MACC1: variants seen among roughly 807,000 people sequenced by gnomAD.
The protein encoded by MACC1 is MET transcriptional regulator MACC1, also known as metastasis-associated in colon cancer protein 1.
A neutral mutation model predicts 70.7 loss-of-function variants in MACC1; 79 were observed. That is an observed-to-expected ratio of 1.12 (90% CI 0.93 to 1.35). The LOEUF is 1.35. MACC1 is among the 40% of genes most tolerant of loss of function. MACC1 has a pLI of 0.00. For synonymous variants in MACC1, 361 were observed against 347.2 expected (o/e 1.04, Z -0.44); for missense variants, 1,106 against 978.1 (o/e 1.13, Z -1.74).
intron 1 of MACC1, among the ~76,000 whole-genome samples, chr7:20,208,762 G>A (rs552337540): frequency 1.1e-3 from 174 of 152,302 alleles, no homozygotes; most frequent in South Asian, 2.5e-3. Context: ...AAATGTCTCC[G>A]GGGCATGTCA....
chr7:20,170,970 A>G (rs1782296020), intron 1 of MACC1, among the ~76,000 whole-genome samples, 192 bp from the exon 2 acceptor site: 1 of 152,212 alleles, frequency 6.6e-6, no homozygotes, highest in African/African-American at 2.4e-5. Context: ...TCAACAATTG[A>G]TTACATCTAG....
intron 1 of MACC1, among the ~76,000 whole-genome samples, chr7:20,175,073 A>C (rs1033838716): frequency 6.6e-6 from 1 of 152,012 alleles, no homozygotes; most frequent in South Asian, 2.1e-4. Flanking sequence ...CAAATCTATA[A>C]ATCTTTTCTG....
chr7:20,161,879 T>G lies in MACC1; in HGVS notation c.-8-9A>C, dbSNP rs369966793. The G allele has an allele frequency of 5.7e-5, 85 of 1,499,256 alleles. 1 individual carries two copies. The highest frequency in any genetic ancestry group is 7.7e-5 in the Non-Finnish European group (83 of 1,076,304). The allele number at this position is 1,499,256 out of a possible 1,614,324, so 92.9% of individuals were successfully genotyped here. A position where few individuals can be genotyped will look rare whatever the true frequency, so the allele number is the denominator to read the frequency against. On this transcript the variant is annotated splice_polypyrimidine_tract_variant and intron_variant, in intron 3 of 6. Coordinates refer to ENST00000400331, the MANE Select transcript of MACC1 (RefSeq NM_182762.4). ...GATTAGCATTTTTCCACCTACAAAG[T>G]AAATAGATAAGTATTTTTTGTAAGC... is the stretch of plus-strand genomic sequence containing the variant.
intron 1 of MACC1, among the ~76,000 whole-genome samples, chr7:20,192,519 A>T (rs1782688470): frequency 6.6e-6 from 1 of 152,170 alleles, no homozygotes; most frequent in African/African-American, 2.4e-5. Flanking sequence ...AAGTGCCAGA[A>T]ATGAATGGGT....
At chr7:20,189,440 C>A (rs1782639149) in intron 1 of MACC1, among the ~76,000 whole-genome samples, 1 of 152,166 alleles carries the variant, frequency 6.6e-6, no homozygotes, top group Non-Finnish European at 1.5e-5. Context: ...GCATAAATTT[C>A]ATTTCCCCTT....
At chr7:20,209,732 G>C (rs754743850) in intron 1 of MACC1, among the ~76,000 whole-genome samples, 3 of 152,190 alleles carry the variant, frequency 2.0e-5, no homozygotes, top group Non-Finnish European at 4.4e-5. Flanking sequence ...GAGAACATGA[G>C]ATTTGGGGCA....
At chr7:20,142,477 A>C (rs1781820712) in intron 6 of MACC1, among the ~76,000 whole-genome samples, 1 of 152,252 alleles carries the variant, frequency 6.6e-6, no homozygotes, top group African/African-American at 2.4e-5. Flanking sequence ...CATATGGTGC[A>C]GCAACAAAAA....
In MACC1 at chr7:20,158,426, T is replaced by C. The variant is rs1179886811; in HGVS notation, c.1935A>G (p.Lys645=). The C allele has an allele frequency of 6.2e-7, 1 of 1,613,688 alleles. No individual in the cohort carries two copies. The highest frequency in any genetic ancestry group is 1.3e-5 in the African/African-American group (1 of 74,926). The change falls in exon 5 of 7, where the codon AAA becomes AAG. Residue 645 remains lysine (K), a synonymous_variant. Transcript: ENST00000400331. ...LLEQIVLPLK[K]LTYIYSVVLT... is the part of the protein sequence containing the mutation. ...ATACAACTGAGTAGATATAAGTCAA[T>C]TTTTTTAAAGGCAGGACAATCTGTT...
chr7:20,185,827 A>G (rs1411187667), intron 1 of MACC1, among the ~76,000 whole-genome samples: 2 of 152,214 alleles, frequency 1.3e-5, no homozygotes, highest in Non-Finnish European at 2.9e-5. Context: ...AATGCTGTGC[A>G]ATAGGTAACA....
In MACC1 at chr7:20,160,026, G is replaced by A. The variant is rs1406925617; in HGVS notation, c.335C>T (p.Ser112Phe). Residue 112 changes from serine (S) to phenylalanine (F), a missense_variant, in exon 5 of 7, where the codon TCT (serine) becomes TTT (phenylalanine). Transcript: ENST00000400331. ...LFCREIENGN[S>F]FDSSGDELDV... Reference sequence around the variant, plus strand: ...AAGTTCATCACCGGAGGAATCAAAAGAATTTCCATTTTCTATTTCTCTACA... The same window carrying A: ...AAGTTCATCACCGGAGGAATCAAAAAAATTTCCATTTTCTATTTCTCTACA... The A allele has an allele frequency of 6.2e-7, 1 of 1,611,152 alleles. No individual in the cohort carries two copies. Among genetic ancestry groups the A allele is most frequent in the Non-Finnish European group, 8.5e-7 (1 of 1,179,114 alleles).
chr7:20,214,421 A>G (rs1783040589), intron 1 of MACC1, among the ~76,000 whole-genome samples: 1 of 152,082 alleles, frequency 6.6e-6, no homozygotes, highest in Non-Finnish European at 1.5e-5. Context: ...TCATTCTGGT[A>G]CCTCATCATG....
intron 2 of MACC1, among the ~76,000 whole-genome samples, chr7:20,168,868 C>A (rs1445122333): frequency 6.6e-6 from 1 of 152,194 alleles, no homozygotes; most frequent in African/African-American, 2.4e-5. Context: ...AGATCCAGAG[C>A]AGCTTTTTCT....
At chr7:20,183,063 T>C (rs1269384488) in intron 1 of MACC1, among the ~76,000 whole-genome samples, 1 of 152,222 alleles carries the variant, frequency 6.6e-6, no homozygotes, top group Non-Finnish European at 1.5e-5. Flanking sequence ...GTGGGTTGAA[T>C]CTGCTATTAT....
chr7:20,195,160 T>C (rs949610802), intron 1 of MACC1, among the ~76,000 whole-genome samples: 1 of 152,216 alleles, frequency 6.6e-6, no homozygotes, highest in Non-Finnish European at 1.5e-5. Flanking sequence ...AAACTTGGTC[T>C]GGGTTTTGTG....
At chr7:20,200,446 C>T (rs1782817695) in intron 1 of MACC1, among the ~76,000 whole-genome samples, 1 of 152,172 alleles carries the variant, frequency 6.6e-6, no homozygotes, top group African/African-American at 2.4e-5. Flanking sequence ...TCAGTATTTC[C>T]TACCAATTTA....
At chr7:20,147,426 G>T (rs917919888) in intron 6 of MACC1, 1 of 152,142 alleles carries the variant, frequency 6.6e-6, no homozygotes. Flanking sequence ...TAAACTTACA[G>T]GAACAACACT....
At chr7:20,193,401 G>T (rs187642662) in intron 1 of MACC1, among the ~76,000 whole-genome samples, 2 of 152,282 alleles carry the variant, frequency 1.3e-5, no homozygotes, top group Admixed American at 1.3e-4. Flanking sequence ...TGTGATTACA[G>T]TATAAAAATG....
chr7:20,180,216 G>A (rs898684435), intron 1 of MACC1, among the ~76,000 whole-genome samples: 4 of 151,908 alleles, frequency 2.6e-5, no homozygotes, highest in African/African-American at 4.8e-5. Flanking sequence ...AGGCCGAGGC[G>A]GGCAGATCAA....
intron 1 of MACC1, among the ~76,000 whole-genome samples, chr7:20,199,828 A>G (rs978543829): frequency 6.6e-6 from 1 of 152,036 alleles, no homozygotes; most frequent in African/African-American, 2.4e-5. Flanking sequence ...GTAAAAACAG[A>G]TATCTTAAAA....
Sources: allele counts gnomAD v4.1 joint callset (sites outside exome capture counted in the v4.1 genomes callset), GRCh38; gene constraint gnomAD v4.1.1; transcripts MANE v1.5; gene names NCBI Gene and HGNC (gene_info 2026-07-23, HGNC 2026-07-21).